IGF2BP2: variants seen among roughly 807,000 people sequenced by gnomAD.
IGF2BP2 encodes the protein insulin like growth factor 2 mRNA binding protein 2.
In IGF2BP2, 17 loss-of-function variants were observed where a neutral mutation model predicts 75.8. The observed-to-expected ratio is 0.22, with a 90% CI of 0.15 to 0.34. IGF2BP2 has a LOEUF of 0.34. Ranked by LOEUF, IGF2BP2 falls within the 10% of genes least tolerant of loss-of-function variation. The pLI is 1.00. For synonymous variants in IGF2BP2, 288 were observed against 295.6 expected (o/e 0.97, Z 0.26); for missense variants, 516 against 772.4 (o/e 0.67, Z 3.93).
At chr3:185,770,405 GA>G (rs1160027468) in intron 2 of IGF2BP2, among the ~76,000 whole-genome samples, 3 of 152,200 alleles carry the variant, frequency 2.0e-5, no homozygotes, top group African/African-American at 7.2e-5. Flanking sequence ...GTCAGAGTGA[GA>G]AAGAGTAGTG....
chr3:185,751,203 A>G (rs1232802473), intron 2 of IGF2BP2, among the ~76,000 whole-genome samples: 1 of 152,240 alleles, frequency 6.6e-6, no homozygotes, highest in East Asian at 1.9e-4. Flanking sequence ...TGCTTCAAGT[A>G]ACATTATAAA....
chr3:185,740,219 G>A (rs2149561493), intron 2 of IGF2BP2, among the ~76,000 whole-genome samples: 1 of 152,080 alleles, frequency 6.6e-6, no homozygotes, highest in East Asian at 1.9e-4. Flanking sequence ...CCACACAATT[G>A]GACTGGCATG....
intron 2 of IGF2BP2, among the ~76,000 whole-genome samples, chr3:185,767,021 A>G (rs933263343): frequency 9.9e-5 from 15 of 152,194 alleles, no homozygotes; most frequent in African/African-American, 3.6e-4. Context: ...TTCCTAAAAT[A>G]GGACTGAAAA....
At position 185,672,523 on chromosome 3, in the gene IGF2BP2, A is replaced by G; in HGVS notation, c.1200+18T>C. On this transcript the variant is annotated intron_variant, in intron 10 of 15. Coordinates refer to ENST00000382199, the MANE Select transcript of IGF2BP2 (RefSeq NM_006548.6). Reference sequence around the variant, plus strand: ...GTGCCCAGCGCATAAGCAAACCTCCACAAGCTGAGCTACTTACAGTGAAGG... The same window carrying G: ...GTGCCCAGCGCATAAGCAAACCTCCGCAAGCTGAGCTACTTACAGTGAAGG... 6.2e-7 allele frequency: 1 copy of G among 1,610,244 alleles called. No individual in the cohort carries two copies. Among genetic ancestry groups the G allele is most frequent in the Non-Finnish European group, 8.5e-7 (1 of 1,178,396 alleles).
intron 2 of IGF2BP2, among the ~76,000 whole-genome samples, chr3:185,733,300 G>GTGCT (rs1300764329): frequency 1.3e-5 from 2 of 152,150 alleles, no homozygotes; most frequent in African/African-American, 4.8e-5. Flanking sequence ...GGAAAAGAGG[G>GTGCT]TGCTCCACAG....
intron 2 of IGF2BP2, among the ~76,000 whole-genome samples, chr3:185,815,617 C>G (rs551645254): frequency 6.6e-6 from 1 of 152,174 alleles, no homozygotes; most frequent in Admixed American, 6.5e-5. Context: ...TTAGTTAACT[C>G]TCTTCCTCTC....
intron 7 of IGF2BP2, among the ~76,000 whole-genome samples, chr3:185,683,276 C>T (rs547594758): frequency 1.6e-4 from 25 of 152,076 alleles, no homozygotes; most frequent in African/African-American, 5.8e-4. Flanking sequence ...CAGAGGCTGA[C>T]GGGAGAGGGA....
At chr3:185,784,088 A>G (rs1300599605) in intron 2 of IGF2BP2, among the ~76,000 whole-genome samples, 3 of 152,174 alleles carry the variant, frequency 2.0e-5, no homozygotes, top group East Asian at 1.9e-4. Context: ...ACAAAAAATT[A>G]GCCAGGTGTG....
rs933340628 is a variant in IGF2BP2 at position 185,643,779 on chromosome 3, C to CTTTTTTTTTTTTTTTTTTTTTT, written c.*1751_*1752insAAAAAAAAAAAAAAAAAAAAAA. On this transcript the variant is annotated 3_prime_UTR_variant, in exon 16 of 16. Transcript: ENST00000382199. ...ATATTTCTGTTTTTTCTTTTTTTTT[C>CTTTTTTTTTTTTTTTTTTTTTT]TTTTTTTTTTTTTTTTTTTTGTCAC... 8.0e-5 allele frequency: 9 copies of CTTTTTTTTTTTTTTTTTTTTTT among 111,970 alleles called. No homozygotes were observed. Among genetic ancestry groups the CTTTTTTTTTTTTTTTTTTTTTT allele is most frequent in the Non-Finnish European group, 1.6e-4 (9 of 56,612 alleles). 6.9% of individuals were successfully genotyped at this position (111,970 alleles called of 1,614,324 possible).
At chr3:185,785,244 T>G (rs985589118) in intron 2 of IGF2BP2, among the ~76,000 whole-genome samples, 4 of 148,716 alleles carry the variant, frequency 2.7e-5, no homozygotes, top group African/African-American at 1.0e-4. Flanking sequence ...GAGACTGTAG[T>G]GAGCCGAGAT....
intron 2 of IGF2BP2, among the ~76,000 whole-genome samples, chr3:185,762,205 T>C (rs1732461274): frequency 1.3e-5 from 2 of 151,564 alleles, no homozygotes; most frequent in Admixed American, 6.6e-5. Context: ...CTGGCCAACA[T>C]GGTGAAACCC....
chr3:185,785,682 T>C (rs533781559), intron 2 of IGF2BP2, among the ~76,000 whole-genome samples: 3 of 152,074 alleles, frequency 2.0e-5, no homozygotes, highest in East Asian at 3.9e-4. Flanking sequence ...AATAATTAGC[T>C]GGGCCTGATG....
chr3:185,725,959 C>CA (rs1296826945), intron 2 of IGF2BP2, among the ~76,000 whole-genome samples: 1 of 151,978 alleles, frequency 6.6e-6, no homozygotes, highest in Non-Finnish European at 1.5e-5. Flanking sequence ...GTGAAACTGT[C>CA]AAAAAATAAA....
intron 2 of IGF2BP2, among the ~76,000 whole-genome samples, chr3:185,778,014 C>T (rs958924683): frequency 6.6e-5 from 10 of 150,648 alleles, no homozygotes; most frequent in Admixed American, 5.3e-4. Context: ...AGTGAGACTC[C>T]GTCAAAAAAA....
rs1243955956 is a variant in IGF2BP2 at position 185,692,814 on chromosome 3, C to T, written c.341-52G>A. Reference sequence around the variant, plus strand: ...TCATAGGAAAAAGTGCTGTCACCCTCTGGCTTAATGTAAACAGACAAACTT... The same window carrying T: ...TCATAGGAAAAAGTGCTGTCACCCTTTGGCTTAATGTAAACAGACAAACTT... On this transcript the variant is annotated intron_variant, in intron 4 of 15. Transcript: ENST00000382199. 6 of 1,544,632 alleles carry T rather than the reference C, an allele frequency of 3.9e-6. 1 individual carries two copies. The South Asian group carries it at 5.7e-5, about 15-fold the overall frequency.
intron 6 of IGF2BP2, 68 bp downstream of exon 6, chr3:185,689,287 T>C: frequency 6.6e-7 from 1 of 1,517,534 alleles, no homozygotes; most frequent in Non-Finnish European, 8.9e-7. Flanking sequence ...GACCTAAGAG[T>C]GGCTGAGACC....
At chr3:185,672,496 AGGT>A in intron 10 of IGF2BP2, 42 bp downstream of exon 10, 1 of 1,575,498 alleles carries the variant, frequency 6.3e-7, no homozygotes, top group Non-Finnish European at 8.6e-7. Context: ...TGCTGCCTGG[AGGT>A]GCCCAGCGCA....
chr3:185,672,601 C>G lies in IGF2BP2; in HGVS notation c.1140G>C (p.Val380=), dbSNP rs372827252. Residue 380 remains valine (V), a synonymous_variant, in exon 10 of 16, where the codon GTG becomes GTC. Coordinates refer to ENST00000382199, the MANE Select transcript of IGF2BP2 (RefSeq NM_006548.6). Reference sequence around the variant, plus strand: ...CGCGGGGCCCTGCTGGTGGAGATAGCACGGACAGTCCTGTTGAAAAGATGC... The same window carrying G: ...CGCGGGGCCCTGCTGGTGGAGATAGGACGGACAGTCCTGTTGAAAAGATGC... ...ALGIFSTGLS[V]LSPPAGPRGA... is the part of the protein sequence containing the mutation. The G allele has an allele frequency of 1.9e-6, 3 of 1,613,742 alleles. No homozygotes were observed. The African/African-American group carries it at 4.0e-5, about 22-fold the overall frequency.
intron 10 of IGF2BP2, among the ~76,000 whole-genome samples, chr3:185,665,950 G>C (rs566935437): frequency 2.6e-4 from 40 of 152,264 alleles, no homozygotes; most frequent in Middle Eastern, 3.4e-3. Flanking sequence ...CTGGGTGACA[G>C]AGCGAGACTC....
Sources: gnomAD v4.1 joint callset for allele counts (sites outside exome capture counted in the v4.1 genomes callset) on GRCh38, gnomAD v4.1.1 for gene constraint, MANE v1.5 for transcripts, NCBI Gene and HGNC (gene_info 2026-07-23, HGNC 2026-07-21) for gene names.